Variants in GIMAP2 observed in about 807,000 individuals in gnomAD.
GIMAP2 encodes the protein GTPase, IMAP family member 2.
In GIMAP2, 22 loss-of-function variants were observed where a neutral mutation model predicts 25.5. The ratio of observed to expected loss-of-function variants is 0.86; its 90% CI spans 0.62 to 1.23. GIMAP2 has a LOEUF of 1.23. GIMAP2 is among the 50% of genes most tolerant of loss of function. The pLI is 0.00. For missense variants in GIMAP2, 422 were observed against 395.7 expected, an observed-to-expected ratio of 1.07 and a Z score of -0.56; for synonymous variants, 167 against 143.0, an observed-to-expected ratio of 1.17 and a Z score of -1.20.
intron 2 of GIMAP2, chr7:150,687,439 A>AT (rs577970305): frequency 0.12 from 22,164 of 190,752 alleles, 1,400 homozygotes; most frequent in African/African-American, 0.17. Context: ...CGCCCAGCTA[A>AT]TTTTTTTTTG....
Position 150,685,763 on chromosome 7 carries a change from T to A in GIMAP2, c.-31T>A. On this transcript the variant is annotated 5_prime_UTR_variant, in exon 1 of 3. Transcript: ENST00000223293. The stretch of plus-strand genomic sequence containing the variant: ...CAACAGGACTGAACAGGGAGCCAAC[T>A]GTTTCTTTGAACAGTAAATCAGGTA... The A allele has an allele frequency of 1.0e-6, 1 of 984,018 alleles. No individual in the cohort carries two copies. Among genetic ancestry groups the A allele is most frequent in the African/African-American group, 1.7e-5 (1 of 57,326 alleles). The allele number at this position is 984,018 out of a possible 1,614,324, so 61.0% of individuals were successfully genotyped here. A position where few individuals can be genotyped will look rare whatever the true frequency, so the allele number is the denominator to read the frequency against.
At chr7:150,688,517 C>T (rs1166456960) in intron 2 of GIMAP2, among the ~76,000 whole-genome samples, 1 of 152,186 alleles carries the variant, frequency 6.6e-6, no homozygotes, top group African/African-American at 2.4e-5. Context: ...GTCACTATGA[C>T]ACATGTATCA....
chr7:150,688,629 A>T (rs144627257), intron 2 of GIMAP2, among the ~76,000 whole-genome samples: 1 of 152,200 alleles, frequency 6.6e-6, no homozygotes, highest in East Asian at 1.9e-4. Context: ...ACCTTCCAAA[A>T]GTCCTCCTCT....
chr7:150,687,266 G>T, intron 2 of GIMAP2, 179 bp downstream of exon 2: 1 of 504,542 alleles, frequency 2.0e-6, no homozygotes, highest in Non-Finnish European at 3.5e-6. Context: ...TGTTTTCTTT[G>T]TTTGTTTGTT....
chr7:150,691,773 G>A (rs1249226478), intron 2 of GIMAP2, among the ~76,000 whole-genome samples: 1 of 152,168 alleles, frequency 6.6e-6, no homozygotes, highest in Non-Finnish European at 1.5e-5. Flanking sequence ...ATTACATGAT[G>A]AGAAATGTCT....
chr7:150,690,090 C>A (rs1413093595), intron 2 of GIMAP2, among the ~76,000 whole-genome samples: 1 of 152,200 alleles, frequency 6.6e-6, no homozygotes, highest in Non-Finnish European at 1.5e-5. Flanking sequence ...ACTATAAATA[C>A]ATGCTAGGAA....
chr7:150,689,623 G>A, intron 2 of GIMAP2: 1 of 690,948 alleles, frequency 1.4e-6, no homozygotes, highest in Non-Finnish European at 2.7e-6. Context: ...AAGTACAAGT[G>A]TCCATTGCAT....
Position 150,693,413 on chromosome 7 carries a change from T to C in GIMAP2, c.*113T>C. 1.5e-6 allele frequency: 1 copy of C among 666,372 alleles called. No homozygotes were observed. Among genetic ancestry groups the C allele is most frequent in the Admixed American group, 3.3e-5 (1 of 30,178 alleles). The allele number at this position is 666,372 out of a possible 1,614,324, so 41.3% of individuals were successfully genotyped here. Reference sequence around the variant, plus strand: ...TTTGAGATTCTATGAAATGTTTAAATCTGAACATCACTCCAATTATTAATG... The same window carrying C: ...TTTGAGATTCTATGAAATGTTTAAACCTGAACATCACTCCAATTATTAATG... On this transcript the variant is annotated 3_prime_UTR_variant, in exon 3 of 3. Transcript: ENST00000223293.
Position 150,692,337 on chromosome 7 carries a change from T to G in GIMAP2, c.51T>G (p.Cys17Trp). The change falls in exon 3 of 3, where the codon TGT becomes TGG. Residue 17 changes from cysteine (C) to tryptophan (W), a missense_variant. Physicochemically the swap from Cys to Trp is radical, Grantham distance 215. Transcript: ENST00000223293. ...CAGGACCACATGCAAAGGGCCAATG[T>G]GCCAGCAGATCTGAGCTGAGAATCA... Reference protein sequence around the residue: ...SHWGPHAKGQCASRSELRIIL... With the variant: ...SHWGPHAKGQWASRSELRIIL... 1.2e-6 allele frequency: 2 copies of G among 1,613,980 alleles called. No individual in the cohort carries two copies. Among genetic ancestry groups the G allele is most frequent in the Non-Finnish European group, 8.5e-7 (1 of 1,179,848 alleles).
chr7:150,692,595 A>C lies in GIMAP2; in HGVS notation c.309A>C (p.Ala103=). The part of the protein sequence containing the change: ...KEVQRCYLLS[A]PGPHVLLLVT... The stretch of plus-strand genomic sequence containing the variant: ...TGCAGAGGTGCTACTTGCTGTCTGC[A>C]CCAGGACCCCATGTGCTGCTCCTGG... Residue 103 remains alanine (A), a synonymous_variant, in exon 3 of 3, where the codon GCA becomes GCC. Transcript: ENST00000223293. The C allele has an allele frequency of 1.2e-6, 2 of 1,614,166 alleles. No individual in the cohort carries two copies. The highest frequency in any genetic ancestry group is 1.7e-6 in the Non-Finnish European group (2 of 1,180,018).
Position 150,692,787 on chromosome 7 carries a change from C to G in GIMAP2, c.501C>G (p.Ala167=). The G allele has an allele frequency of 6.2e-7, 1 of 1,614,182 alleles. No homozygotes were observed. Among genetic ancestry groups the G allele is most frequent in the African/African-American group, 1.3e-5 (1 of 75,026 alleles). ...MDYMHDSDNK[A]LSKLVAACGG... ...ACATGCACGACTCAGATAACAAAGCCCTAAGCAAGCTGGTGGCAGCATGTG... is the reference window on the plus strand; with the variant it reads ...ACATGCACGACTCAGATAACAAAGCGCTAAGCAAGCTGGTGGCAGCATGTG... The change falls in exon 3 of 3, where the codon GCC becomes GCG. Residue 167 remains alanine, a synonymous_variant. Transcript: ENST00000223293.
intron 1 of GIMAP2, among the ~76,000 whole-genome samples, chr7:150,686,535 C>T (rs1445776852): frequency 6.6e-6 from 1 of 152,170 alleles, no homozygotes; most frequent in Non-Finnish European, 1.5e-5. Context: ...ACAAATGAAA[C>T]CCACTTCTCA....
intron 2 of GIMAP2, chr7:150,687,289 T>TGTTTGTTTGTTTG: frequency 1.8e-6 from 1 of 555,668 alleles, no homozygotes; most frequent in Non-Finnish European, 3.2e-6. Context: ...TTTGTTTGTT[T>TGTTTGTTTGTTTG]TGAGACAGTG....
chr7:150,687,001 T>G, intron 1 of GIMAP2, 51 bp from the exon 2 acceptor site: 1 of 1,264,664 alleles, frequency 7.9e-7, no homozygotes, highest in Non-Finnish European at 1.1e-6. Context: ...ATATAAGAAT[T>G]TTTCATGATT....
intron 2 of GIMAP2, among the ~76,000 whole-genome samples, chr7:150,690,811 T>C (rs1796958564): frequency 6.6e-6 from 1 of 152,252 alleles, no homozygotes; most frequent in Non-Finnish European, 1.5e-5. Context: ...CAAGATCATA[T>C]GACTAGCAAT....
rs761756140 is a variant in GIMAP2 at position 150,692,381 on chromosome 7, GA to G, written c.97del (p.Thr33LeufsTer25). 3.2e-5 allele frequency: 51 copies of G among 1,614,090 alleles called. No individual in the cohort carries two copies. The highest frequency in any genetic ancestry group is 1.6e-4 in the Middle Eastern group (1 of 6,084). ...ELRIILVGKT[G>X]TGKSAAGNSI... ...AGAATCATCCTGGTGGGCAAAACAG[GA>G]ACTGGCAAAAGTGCTGCAGGGAACA... On this transcript the variant is annotated frameshift_variant, in exon 3 of 3. Coordinates refer to ENST00000223293, the MANE Select transcript of GIMAP2 (RefSeq NM_015660.3). LOFTEE classifies it high-confidence loss of function.
In GIMAP2 at chr7:150,693,192, C is replaced by G; in HGVS notation, c.906C>G (p.Leu302=). 1 of 1,612,428 alleles carries G rather than the reference C, an allele frequency of 6.2e-7. No homozygotes were observed. Among genetic ancestry groups the G allele is most frequent in the East Asian group, 2.2e-5 (1 of 44,876 alleles). ...TGTGCAATTTGTTTTGTTGCTTACT[C>G]TTTAGTATGTGCAATTTATTCTGCA... ...HSMCNLFCCL[L]FSMCNLFCSL... The change falls in exon 3 of 3, where the codon CTC becomes CTG. Residue 302 remains leucine, a synonymous_variant. Transcript: ENST00000223293.
rs1372368148 is a variant in GIMAP2, at chr7:150,692,918, GT to G, written c.633del (p.Asp212IlefsTer10). The G allele has an allele frequency of 3.1e-6, 5 of 1,614,070 alleles. No homozygotes were observed. The Admixed American group carries it at 8.3e-5, about 27-fold the overall frequency. On this transcript the variant is annotated frameshift_variant, in exon 3 of 3. Transcript: ENST00000223293. LOFTEE classifies it high-confidence loss of function. ...GAGGATCTGTTGATGGAGAAAAATG[GT>G]GATCACTATACCAATGGGTTGTACA... is the stretch of plus-strand genomic sequence containing the variant. ...CIEDLLMEKN[G>X]DHYTNGLYSL...
At chr7:150,686,943 CAA>C (rs1224720533) in intron 1 of GIMAP2, 107 bp from the exon 2 acceptor site, 514 of 481,242 alleles carry the variant, frequency 1.1e-3, no homozygotes, top group Non-Finnish European at 1.3e-3. Context: ...AACTGTGTCT[CAA>C]AAAAAAAAAA....
Sources: gnomAD v4.1 joint callset for allele counts (sites outside exome capture counted in the v4.1 genomes callset) on GRCh38, gnomAD v4.1.1 for gene constraint, MANE v1.5 for transcripts, NCBI Gene and HGNC (gene_info 2026-07-23, HGNC 2026-07-21) for gene names.